The following SUDS3 variants were observed in gnomAD, a reference collection of about 807,000 sequenced individuals.
SUDS3 encodes the protein SIN3A corepressor complex component SDS3.
In SUDS3, 23 loss-of-function variants were observed where a neutral mutation model predicts 53.5. The observed-to-expected ratio is 0.43, with a 90% CI of 0.31 to 0.61. SUDS3 has a LOEUF of 0.61. Among genes scored for constraint, SUDS3 ranks in the 20% least tolerant of loss-of-function variants. The probability of loss-of-function intolerance (pLI) is 0.10; values close to 1 mark genes in which losing one functional copy is unlikely to be tolerated. For missense variants in SUDS3, 291 were observed against 405.9 expected (o/e 0.72, Z 2.43); for synonymous variants, 150 against 148.5 (o/e 1.01, Z -0.08).
rs550455451 is a variant in SUDS3 at position 118,406,085 on chromosome 12, A to G, written c.803+2568A>G. Among the ~76,000 whole-genome samples, 141 of 152,328 alleles carry G rather than the reference A, an allele frequency of 9.3e-4. 1 individual carries two copies. The highest frequency in any genetic ancestry group is 6.8e-3 in the Middle Eastern group (2 of 294). ...TCTTATACTGCTTTTAAGGCATTCTATATCATGCTATGTAAATTTGCCTCA... is the reference window on the plus strand; with the variant it reads ...TCTTATACTGCTTTTAAGGCATTCTGTATCATGCTATGTAAATTTGCCTCA... On this transcript the variant is annotated intron_variant, in intron 10 of 11. Transcript: ENST00000543473.
intron 1 of SUDS3, among the ~76,000 whole-genome samples, chr12:118,378,131 G>A (rs2046019232): frequency 6.6e-6 from 1 of 152,154 alleles, no homozygotes; most frequent in South Asian, 2.1e-4. Context: ...TTCCAGTATA[G>A]GGGCTATTAA....
At chr12:118,394,984 T>C (rs2046200517) in intron 6 of SUDS3, among the ~76,000 whole-genome samples, 2 of 151,840 alleles carry the variant, frequency 1.3e-5, no homozygotes, top group Non-Finnish European at 1.5e-5. Flanking sequence ...TACATCTGGC[T>C]TTTTTACTCA....
At chr12:118,384,819 G>A (rs1292073894) in intron 3 of SUDS3, among the ~76,000 whole-genome samples, 5 of 150,222 alleles carry the variant, frequency 3.3e-5, no homozygotes, top group Non-Finnish European at 7.4e-5. Context: ...GCGACAAAGC[G>A]AGACTCAGTC....
intron 1 of SUDS3, among the ~76,000 whole-genome samples, chr12:118,377,414 C>A (rs1435761256): frequency 6.6e-6 from 1 of 152,152 alleles, no homozygotes; most frequent in East Asian, 1.9e-4. Flanking sequence ...AATTCCCACA[C>A]CTGCCCTAGA....
Position 118,417,533 on chromosome 12 carries a change from T to C in SUDS3, c.*3100T>C, listed in dbSNP as rs2046411831. 6.6e-6 allele frequency: 1 copy of C among 152,148 alleles called. No homozygotes were observed. Among genetic ancestry groups the C allele is most frequent in the Admixed American group, 6.6e-5 (1 of 15,258 alleles). The allele number at this position is 152,148 out of a possible 1,614,324, so 9.4% of individuals were successfully genotyped here. A position where few individuals can be genotyped will look rare whatever the true frequency, so the allele number is the denominator to read the frequency against. ...TCTCGGTGCTTACTGTTACACCAAT[T>C]TGTCCAAAGAGTTGAAATCACTTTA... On this transcript the variant is annotated 3_prime_UTR_variant, in exon 12 of 12. Transcript: ENST00000543473.
intron 6 of SUDS3, among the ~76,000 whole-genome samples, chr12:118,395,228 T>G (rs953649838): frequency 8.2e-4 from 115 of 139,834 alleles, no homozygotes; most frequent in African/African-American, 2.4e-3. Context: ...TTTTTTTTTT[T>G]TTTTTTTTTT....
At chr12:118,391,043 A>G (rs538641419) in intron 5 of SUDS3, 83 bp from the exon 6 acceptor site, 263 of 1,484,586 alleles carry the variant, frequency 1.8e-4, no homozygotes, top group Middle Eastern at 5.2e-4. Flanking sequence ...CACACTTTGC[A>G]GTTGAGGACA....
chr12:118,403,677 A>G (rs1024415320), intron 10 of SUDS3, among the ~76,000 whole-genome samples, 160 bp downstream of exon 10: 4 of 152,196 alleles, frequency 2.6e-5, no homozygotes, highest in Non-Finnish European at 2.9e-5. Context: ...CATTTAATCA[A>G]TACTTCCGGT....
intron 5 of SUDS3, among the ~76,000 whole-genome samples, chr12:118,390,332 A>G (rs950200641): frequency 2.6e-5 from 4 of 152,140 alleles, no homozygotes; most frequent in Non-Finnish European, 5.9e-5. Flanking sequence ...AAAAAGACAG[A>G]TTTCTAATTT....
chr12:118,387,654 C>T (rs1403989453), intron 4 of SUDS3, among the ~76,000 whole-genome samples: 3 of 151,888 alleles, frequency 2.0e-5, no homozygotes, highest in Non-Finnish European at 2.9e-5. Context: ...TGGGTTCAAG[C>T]GATTCTCATG....
intron 10 of SUDS3, among the ~76,000 whole-genome samples, 194 bp downstream of exon 10, chr12:118,403,711 C>G (rs1166346718): frequency 2.6e-5 from 4 of 152,134 alleles, no homozygotes; most frequent in African/African-American, 9.7e-5. Context: ...CAGCGTTTCC[C>G]AAAACCATGT....
chr12:118,388,889 C>T (rs988946642), intron 4 of SUDS3, among the ~76,000 whole-genome samples: 3 of 152,170 alleles, frequency 2.0e-5, no homozygotes, highest in African/African-American at 4.8e-5. Context: ...TGGCTCACGC[C>T]TGTAATCCCA....
intron 6 of SUDS3, among the ~76,000 whole-genome samples, chr12:118,395,256 C>T (rs1041424134): frequency 6.2e-5 from 8 of 129,846 alleles, no homozygotes; most frequent in South Asian, 2.6e-4. Context: ...GACGGAGTCT[C>T]GCTTTGTCCC....
intron 2 of SUDS3, among the ~76,000 whole-genome samples, chr12:118,383,125 G>T (rs568945278): frequency 2.0e-5 from 3 of 152,266 alleles, no homozygotes; most frequent in African/African-American, 7.2e-5. Flanking sequence ...CAGAGGGTTG[G>T]GTTGTATTTG....
chr12:118,379,011 C>T (rs1474110710), intron 1 of SUDS3, among the ~76,000 whole-genome samples: 2 of 149,236 alleles, frequency 1.3e-5, no homozygotes, highest in Non-Finnish European at 3.0e-5. Context: ...GGGGTTTCAC[C>T]ACGTTGGCCA....
chr12:118,395,773 C>T, intron 6 of SUDS3, among the ~76,000 whole-genome samples: 1 of 151,760 alleles, frequency 6.6e-6, no homozygotes, highest in Non-Finnish European at 1.5e-5. Context: ...CTCACTGTAC[C>T]CTCTGCCTCC....
intron 11 of SUDS3, among the ~76,000 whole-genome samples, 168 bp from the exon 12 acceptor site, chr12:118,414,167 C>T (rs949930836): frequency 4.6e-5 from 7 of 152,162 alleles, no homozygotes. Context: ...TTTAGATGGC[C>T]CGAGGTCAGG....
intron 6 of SUDS3, 32 bp downstream of exon 6, chr12:118,391,314 G>T: frequency 6.3e-7 from 1 of 1,580,396 alleles, no homozygotes; most frequent in South Asian, 1.2e-5. Flanking sequence ...GGATCTTGGG[G>T]GCCCTGAGCG....
intron 7 of SUDS3, 29 bp from the exon 8 acceptor site, chr12:118,401,730 T>C (rs1473436059): frequency 3.8e-6 from 6 of 1,590,690 alleles, no homozygotes; most frequent in Non-Finnish European, 5.2e-6. Flanking sequence ...AACTGTACTT[T>C]TCACATACAG....
Sources: allele counts gnomAD v4.1 joint callset (sites outside exome capture counted in the v4.1 genomes callset), GRCh38; gene constraint gnomAD v4.1.1; transcripts MANE v1.5; gene names NCBI Gene and HGNC (gene_info 2026-07-23, HGNC 2026-07-21).